NDRG3: variants seen among roughly 807,000 people sequenced by gnomAD.
NDRG3 encodes protein NDRG3.
A neutral mutation model predicts 57.2 loss-of-function variants in NDRG3; 23 were observed. The observed-to-expected ratio is 0.40, with a 90% CI of 0.29 to 0.57. The LOEUF is 0.57. Among genes scored for constraint, NDRG3 ranks in the 20% least tolerant of loss-of-function variants. The probability of loss-of-function intolerance (pLI) is 0.42; values close to 1 mark genes in which losing one functional copy is unlikely to be tolerated. For synonymous variants in NDRG3, 132 were observed against 162.6 expected (o/e 0.81, Z 1.43); for missense variants, 384 against 457.3 (o/e 0.84, Z 1.46).
chr20:36,695,528 G>A (rs1340827359), intron 3 of NDRG3, among the ~76,000 whole-genome samples: 1 of 152,168 alleles, frequency 6.6e-6, no homozygotes, highest in Non-Finnish European at 1.5e-5. Context: ...GGGGGACGGA[G>A]GGGGATCTCT....
At chr20:36,744,303 C>T (rs1238532747) in intron 1 of NDRG3, among the ~76,000 whole-genome samples, 1 of 151,910 alleles carries the variant, frequency 6.6e-6, no homozygotes, top group East Asian at 1.9e-4. Flanking sequence ...CAAGTTTAAT[C>T]TGAAGGAAGA....
At chr20:36,705,321 C>CA (rs1174347133) in intron 3 of NDRG3, among the ~76,000 whole-genome samples, 3,835 of 71,730 alleles carry the variant, frequency 0.053, 210 homozygotes, top group African/African-American at 0.15. Context: ...GACTCTGTCT[C>CA]AAAAAAAAAA....
intron 3 of NDRG3, among the ~76,000 whole-genome samples, chr20:36,693,959 A>G (rs1039620707): frequency 6.6e-6 from 1 of 152,112 alleles, no homozygotes; most frequent in African/African-American, 2.4e-5. Context: ...AAAACCGATC[A>G]CTGGTGCCAG....
intron 1 of NDRG3, among the ~76,000 whole-genome samples, chr20:36,741,152 CTTTT>C (rs1446708460): frequency 6.6e-6 from 1 of 152,138 alleles, no homozygotes; most frequent in African/African-American, 2.4e-5. Context: ...CCCATTTGGC[CTTTT>C]TTTCTTTCCT....
intron 9 of NDRG3, among the ~76,000 whole-genome samples, chr20:36,666,759 A>C (rs2148045891): frequency 6.6e-6 from 1 of 152,350 alleles, no homozygotes; most frequent in African/African-American, 2.4e-5. Context: ...GCTATCTGAC[A>C]AGGCTGTTTT....
At chr20:36,728,400 C>T (rs1035039964) in intron 1 of NDRG3, among the ~76,000 whole-genome samples, 12 of 152,084 alleles carry the variant, frequency 7.9e-5, no homozygotes, top group African/African-American at 2.9e-4. Flanking sequence ...GGTTGAGCAT[C>T]CCAAATTAAA....
intron 2 of NDRG3, among the ~76,000 whole-genome samples, chr20:36,715,576 G>C (rs1984226230): frequency 6.6e-6 from 1 of 151,210 alleles, no homozygotes; most frequent in South Asian, 2.1e-4. Context: ...CCAGCACTTT[G>C]GGAGGCCGAG....
intron 1 of NDRG3, among the ~76,000 whole-genome samples, chr20:36,744,957 G>A (rs1986110352): frequency 1.4e-5 from 2 of 145,408 alleles, no homozygotes; most frequent in South Asian, 4.5e-4. Flanking sequence ...ATCCCCTGAG[G>A]GCCAGGGTAA....
chr20:36,735,689 GGAAA>G lies in NDRG3; in HGVS notation c.-49+10352_-49+10355del, dbSNP rs1382942871. ...CATACAGGTGAGGACATCAGGGTTG[GGAAA>G]GAAAGAATTAAAGACAATACACTCA... is the stretch of plus-strand genomic sequence containing the variant. On this transcript the variant is annotated intron_variant, in intron 1 of 15. Coordinates refer to ENST00000349004, the MANE Select transcript of NDRG3 (RefSeq NM_032013.4). 2.6e-5 allele frequency among the ~76,000 whole-genome samples: 4 copies of G among 152,110 alleles called. No homozygotes were observed. The East Asian group carries it at 5.8e-4, about 22-fold the overall frequency.
intron 2 of NDRG3, among the ~76,000 whole-genome samples, chr20:36,714,962 T>C (rs1308554879): frequency 7.6e-6 from 1 of 132,266 alleles, no homozygotes; most frequent in Admixed American, 8.6e-5. Context: ...AATCCAGGGA[T>C]AAGAATGAAA....
intron 3 of NDRG3, among the ~76,000 whole-genome samples, chr20:36,706,767 T>G (rs1231608636): frequency 6.6e-6 from 1 of 152,212 alleles, no homozygotes; most frequent in Non-Finnish European, 1.5e-5. Context: ...CCTCTCAAAG[T>G]GCTGGAATTA....
Position 36,691,356 on chromosome 20 carries a change from C to T in NDRG3, c.94-2572G>A, listed in dbSNP as rs1163384945. 2.0e-5 allele frequency among the ~76,000 whole-genome samples: 3 copies of T among 152,206 alleles called. No homozygotes were observed. In the South Asian group the frequency reaches 6.2e-4, roughly 31 times the overall value. On this transcript the variant is annotated intron_variant, in intron 3 of 15. Transcript: ENST00000349004. ...CTACTACCTCCTAGTCAAGTCTATTCAAAGCCTTCAAAAATGAACATAAGA... is the reference window on the plus strand; with the variant it reads ...CTACTACCTCCTAGTCAAGTCTATTTAAAGCCTTCAAAAATGAACATAAGA...
intron 12 of NDRG3, among the ~76,000 whole-genome samples, chr20:36,662,381 C>A (rs562852169): frequency 1.3e-5 from 2 of 152,152 alleles, no homozygotes; most frequent in East Asian, 3.9e-4. Context: ...TCACACCCAG[C>A]TCGTTTTTGT....
chr20:36,680,914 G>C lies in NDRG3; in HGVS notation c.445-12C>G. On this transcript the variant is annotated splice_polypyrimidine_tract_variant and intron_variant, in intron 7 of 15. Coordinates refer to ENST00000349004, the MANE Select transcript of NDRG3 (RefSeq NM_032013.4). ...TCTGGATGGTTGAGCTGAAAGATGA[G>C]GCAAAGACAATAGTATGAAAGCTAC... The C allele has an allele frequency of 6.2e-7, 1 of 1,610,726 alleles. No homozygotes were observed. The highest frequency in any genetic ancestry group is 1.3e-5 in the African/African-American group (1 of 74,916).
chr20:36,698,838 C>A (rs1484962938), intron 3 of NDRG3, among the ~76,000 whole-genome samples: 1 of 151,842 alleles, frequency 6.6e-6, no homozygotes, highest in East Asian at 1.9e-4. Context: ...TGTAAAAGAG[C>A]AAGATGCAAA....
intron 2 of NDRG3, among the ~76,000 whole-genome samples, chr20:36,716,591 A>G (rs982771724): frequency 2.6e-5 from 4 of 151,932 alleles, no homozygotes; most frequent in South Asian, 2.1e-4. Context: ...AACAAAGTAT[A>G]TAACTTTTTT....
chr20:36,723,225 T>C (rs773213368), intron 1 of NDRG3, among the ~76,000 whole-genome samples: 1 of 152,158 alleles, frequency 6.6e-6, no homozygotes, highest in African/African-American at 2.4e-5. Context: ...AGAGAACTAA[T>C]ACATAGGGAG....
chr20:36,677,586 A>T (rs988358782), intron 8 of NDRG3, among the ~76,000 whole-genome samples: 2 of 152,220 alleles, frequency 1.3e-5, no homozygotes, highest in Non-Finnish European at 2.9e-5. Flanking sequence ...TTCAGGGACA[A>T]CCTGCTGGCA....
rs184732932 is a variant in NDRG3, at chr20:36,651,912, G to A, written c.*1608C>T. ...AAGATTTGGAACTGTGTAACCCTGA[G>A]CTTACATCTCAATGCTCCCAAGAGC... is the stretch of plus-strand genomic sequence containing the variant. On this transcript the variant is annotated 3_prime_UTR_variant, in exon 16 of 16. Coordinates refer to ENST00000349004, the MANE Select transcript of NDRG3 (RefSeq NM_032013.4). 6.6e-6 allele frequency: 1 copy of A among 152,304 alleles called. No homozygotes were observed. The highest frequency in any genetic ancestry group is 2.4e-5 in the African/African-American group (1 of 41,562). The allele number at this position is 152,304 out of a possible 1,614,324, so 9.4% of individuals were successfully genotyped here.
Sources: gnomAD v4.1 joint callset for allele counts (sites outside exome capture counted in the v4.1 genomes callset) on GRCh38, gnomAD v4.1.1 for gene constraint, MANE v1.5 for transcripts, NCBI Gene and HGNC (gene_info 2026-07-23, HGNC 2026-07-21) for gene names.